Variants in HYDIN observed in about 807,000 individuals in gnomAD.
The protein encoded by HYDIN is HYDIN axonemal central pair apparatus protein.
A neutral mutation model predicts 403.9 loss-of-function variants in HYDIN; 132 were observed. The ratio of observed to expected loss-of-function variants is 0.33; its 90% CI spans 0.28 to 0.38. HYDIN has a LOEUF of 0.38. Ranked by LOEUF, HYDIN falls within the 10% of genes least tolerant of loss-of-function variation. HYDIN has a pLI of 1.00. For synonymous variants in HYDIN, 1,202 were observed against 1,891.7 expected (o/e 0.64, Z 9.46); for missense variants, 2,827 against 5,009.5 (o/e 0.56, Z 13.15).
intron 3 of HYDIN, among the ~76,000 whole-genome samples, chr16:71,179,783 G>A (rs2086825514): frequency 1.3e-5 from 2 of 152,138 alleles, no homozygotes; most frequent in Admixed American, 1.3e-4. Context: ...AGTGAATATA[G>A]CATCATCCAA....
rs199690569 is a variant in HYDIN, at chr16:70,862,187, C to T, written c.11638G>A (p.Asp3880Asn). The stretch of plus-strand genomic sequence containing the variant: ...TGTGGGGAACCCTCGGCCCAGTGGT[C>T]CATGGTGCTGTCCAGGGTGCTGCCT... ...HTGSTLDSTM[D>N]HWAEGSPQPF... The change falls in exon 69 of 86, where the codon GAC (aspartate) becomes AAC (asparagine). Residue 3880 changes from aspartate to asparagine, a missense_variant. By Grantham distance (23) the Asp-to-Asn change is conservative. Transcript: ENST00000393567. The T allele has an allele frequency of 2.4e-3, 3,851 of 1,613,494 alleles. 10 individuals carry two copies. Among genetic ancestry groups the T allele is most frequent in the South Asian group, 3.9e-3 (358 of 90,862 alleles).
At chr16:70,900,914 C>G (rs4985434) in intron 53 of HYDIN, 90 bp downstream of exon 53, 8 of 381,966 alleles carry the variant, frequency 2.1e-5, no homozygotes, top group African/African-American at 2.0e-4. Flanking sequence ...AGGGAGACCT[C>G]TGTGTGTGTG....
chr16:71,196,398 C>T (rs1262258191), intron 1 of HYDIN, among the ~76,000 whole-genome samples: 1 of 152,148 alleles, frequency 6.6e-6, no homozygotes, highest in East Asian at 1.9e-4. Flanking sequence ...TTTACCCTCC[C>T]TGCCTGACTG....
At position 71,034,294 on chromosome 16, in the gene HYDIN, T is replaced by A. The variant is rs558491727; in HGVS notation, c.2530-2377A>T. 5.9e-5 allele frequency among the ~76,000 whole-genome samples: 9 copies of A among 151,912 alleles called. 1 individual carries two copies. The South Asian group carries it at 1.9e-3, about 32-fold the overall frequency. On this transcript the variant is annotated intron_variant, in intron 18 of 85. Coordinates refer to ENST00000393567, the MANE Select transcript of HYDIN (RefSeq NM_001270974.2). ...AAATGTAAAAACACATGTAGCTCTA[T>A]GGGGGCTCAGGTACAATGGACTGGA... is the stretch of plus-strand genomic sequence containing the variant.
chr16:71,168,388 C>T (rs1185152393), intron 5 of HYDIN, among the ~76,000 whole-genome samples: 2 of 147,522 alleles, frequency 1.4e-5, no homozygotes, highest in Non-Finnish European at 3.0e-5. Context: ...CTGTCACCAC[C>T]CTCATCCAAA....
intron 75 of HYDIN, among the ~76,000 whole-genome samples, chr16:70,840,498 T>C (rs1001324725): frequency 1.3e-5 from 2 of 152,122 alleles, no homozygotes; most frequent in Non-Finnish European, 2.9e-5. Context: ...GCACTGCTAG[T>C]TACTACCCAA....
Position 70,804,822 on chromosome 16 carries a change from C to T in HYDIN, c.*2758G>A, listed in dbSNP as rs71384769. Reference sequence around the variant, plus strand: ...TCGTTTTTGTTTCTCCCCCTCCCTTCTCCCTGATCACTTTTATAAAATGTA... The same window carrying T: ...TCGTTTTTGTTTCTCCCCCTCCCTTTTCCCTGATCACTTTTATAAAATGTA... On this transcript the variant is annotated 3_prime_UTR_variant, in exon 86 of 86. Transcript: ENST00000393567. 0.073 allele frequency among the ~76,000 whole-genome samples: 11,073 copies of T among 152,232 alleles called. 471 individuals are homozygous for T. Among genetic ancestry groups the T allele is most frequent in the Middle Eastern group, 0.16 (47 of 294 alleles).
intron 38 of HYDIN, among the ~76,000 whole-genome samples, chr16:70,960,933 C>A (rs1330446739): frequency 6.6e-6 from 1 of 152,210 alleles, no homozygotes. Flanking sequence ...CCTCATGATC[C>A]GCCTGCCTTG....
chr16:70,992,698 T>G (rs1331189860), intron 23 of HYDIN, among the ~76,000 whole-genome samples: 4 of 151,768 alleles, frequency 2.6e-5, no homozygotes, highest in Admixed American at 2.6e-4. Flanking sequence ...CTCGGGTTTC[T>G]TACATGACCT....
At chr16:71,109,484 A>G (rs1017272214) in intron 10 of HYDIN, among the ~76,000 whole-genome samples, 2 of 135,188 alleles carry the variant, frequency 1.5e-5, no homozygotes, top group Non-Finnish European at 2.9e-5. Flanking sequence ...GAGATTTTTT[A>G]TCTGTCTAAC....
chr16:70,803,255 C>G lies in HYDIN; in HGVS notation c.*4325G>C, dbSNP rs1210385650. On this transcript the variant is annotated 3_prime_UTR_variant, in exon 86 of 86. Coordinates refer to ENST00000393567, the MANE Select transcript of HYDIN (RefSeq NM_001270974.2). ...TTTTTATTCAAGGCCCAGACCAATG[C>G]CTACCTTTAGGTCAGAAGTTCCTAG... 6.6e-6 allele frequency among the ~76,000 whole-genome samples: 1 copy of G among 152,178 alleles called. No individual in the cohort carries two copies. Among genetic ancestry groups the G allele is most frequent in the Non-Finnish European group, 1.5e-5 (1 of 68,036 alleles).
At chr16:71,096,386 T>C (rs1257022567) in intron 10 of HYDIN, among the ~76,000 whole-genome samples, 2 of 152,252 alleles carry the variant, frequency 1.3e-5, no homozygotes, top group Non-Finnish European at 2.9e-5. Context: ...TTATTGAATA[T>C]GTGAATAATT....
intron 9 of HYDIN, among the ~76,000 whole-genome samples, chr16:71,116,615 C>T (rs2084045804): frequency 6.6e-6 from 1 of 152,000 alleles, no homozygotes; most frequent in South Asian, 2.1e-4. Context: ...TACTGTTTTC[C>T]ATAATGTCCG....
At chr16:71,093,280 A>C (rs940044072) in intron 11 of HYDIN, among the ~76,000 whole-genome samples, 3 of 152,224 alleles carry the variant, frequency 2.0e-5, no homozygotes, top group East Asian at 1.9e-4. Flanking sequence ...TCATGCATAC[A>C]TCCTGTAAAA....
intron 83 of HYDIN, among the ~76,000 whole-genome samples, chr16:70,820,338 C>T (rs2036172194): frequency 6.6e-6 from 1 of 150,868 alleles, no homozygotes; most frequent in African/African-American, 2.4e-5. Flanking sequence ...CTACAGGCAC[C>T]CACCACCATG....
intron 18 of HYDIN, among the ~76,000 whole-genome samples, chr16:71,046,829 T>C (rs1234370568): frequency 6.6e-6 from 1 of 152,214 alleles, no homozygotes; most frequent in Non-Finnish European, 1.5e-5. Flanking sequence ...GGCTTAATGT[T>C]GAATATGACT....
chr16:71,154,702 C>T (rs565938126), intron 6 of HYDIN, among the ~76,000 whole-genome samples: 2 of 151,316 alleles, frequency 1.3e-5, no homozygotes, highest in East Asian at 2.0e-4. Context: ...TTCCTGTCCC[C>T]ATACCTGTAG....
chr16:71,214,552 C>T (rs1051385992), intron 1 of HYDIN, among the ~76,000 whole-genome samples: 1 of 152,208 alleles, frequency 6.6e-6, no homozygotes, highest in African/African-American at 2.4e-5. Flanking sequence ...AGCACCCTCT[C>T]AGCTGCACTG....
Position 71,188,699 on chromosome 16 carries a change from C to A in HYDIN, c.-23-1781G>T, listed in dbSNP as rs1005536460. ...TTTTAATAAACTACTCTTAGTAAGA[C>A]CTGTTAGGTGGACAAAAAATAAGTA... On this transcript the variant is annotated intron_variant, in intron 1 of 85. Coordinates refer to ENST00000393567, the MANE Select transcript of HYDIN (RefSeq NM_001270974.2). Among the ~76,000 whole-genome samples the A allele has an allele frequency of 2.6e-5, 4 of 152,170 alleles. No homozygotes were observed. In the East Asian group the frequency reaches 7.7e-4, roughly 29 times the overall value.
Sources: allele counts gnomAD v4.1 joint callset (sites outside exome capture counted in the v4.1 genomes callset), GRCh38; gene constraint gnomAD v4.1.1; transcripts MANE v1.5; gene names NCBI Gene and HGNC (gene_info 2026-07-23, HGNC 2026-07-21).